Variants in AMPD3 observed in about 807,000 individuals in gnomAD.
AMPD3 encodes AMP deaminase 3.
Under a neutral mutation model 82.3 loss-of-function variants are expected in AMPD3, and 57 were observed. The observed-to-expected ratio is 0.69, with a 90% CI of 0.56 to 0.86. The LOEUF (loss-of-function observed/expected upper bound fraction) is 0.86. Among genes scored for constraint, AMPD3 ranks in the 40% least tolerant of loss-of-function variants. The pLI is 0.00. For missense variants in AMPD3, 870 were observed against 1,003.8 expected, an observed-to-expected ratio of 0.87 and a Z score of 1.80; for synonymous variants, 381 against 394.7, an observed-to-expected ratio of 0.97 and a Z score of 0.41.
At position 10,461,687 on chromosome 11, in the gene AMPD3, G is replaced by C; in HGVS notation, c.168G>C (p.Glu56Asp). 1 of 1,614,214 alleles carries C rather than the reference G, an allele frequency of 6.2e-7. No homozygotes were observed. Among genetic ancestry groups the C allele is most frequent in the Non-Finnish European group, 8.5e-7 (1 of 1,180,018 alleles). The change falls in exon 2 of 15, where the codon GAG (glutamate) becomes GAC (aspartate). Residue 56 changes from glutamate to aspartate, a missense_variant. Coordinates refer to ENST00000396553, the MANE Select transcript of AMPD3 (RefSeq NM_001025389.2). The part of the protein sequence containing the change: ...DCPIGQKEAK[E>D]RELQKELAEQ... ...CCATCGGGCAAAAGGAAGCCAAGGA[G>C]AGGGAGCTGCAGAAGGAGCTGGCAG...
intron 10 of AMPD3, chr11:10,499,788 C>T (rs996317811): frequency 3.0e-6 from 3 of 985,416 alleles, no homozygotes; most frequent in Non-Finnish European, 3.6e-6. Flanking sequence ...GCTGCTTTGC[C>T]CTTCACCTGG....
At chr11:10,453,251 T>C (rs1211892738), upstream of AMPD3, among the ~76,000 whole-genome samples, 3 of 152,226 alleles carry the variant, frequency 2.0e-5, no homozygotes, top group Non-Finnish European at 4.4e-5. Flanking sequence ...ACACTCAGCC[T>C]GAGTCTACGT....
rs778629569 is a variant in AMPD3 at position 10,461,462 on chromosome 11, G to A, written c.-5-53G>A. 20 of 1,612,732 alleles carry A rather than the reference G, an allele frequency of 1.2e-5. No homozygotes were observed. In the East Asian group the frequency reaches 1.8e-4, roughly 14 times the overall value. On this transcript the variant is annotated intron_variant, in intron 1 of 14. Transcript: ENST00000396553. The stretch of plus-strand genomic sequence containing the variant: ...CTCACTTCAGTGCCTTCTCTTCCCC[G>A]GTGCTGGTGACTCAGGGCATCCTGC...
At chr11:10,471,202 A>G (rs533733496) in intron 2 of AMPD3, among the ~76,000 whole-genome samples, 16 of 152,240 alleles carry the variant, frequency 1.1e-4, no homozygotes, top group Non-Finnish European at 2.4e-4. Context: ...GGCACAAACA[A>G]GCAATGGGGA....
chr11:10,450,805 C>G (rs567919603), upstream of AMPD3: 7,876 of 1,182,788 alleles, frequency 6.7e-3, 31 homozygotes, highest in Non-Finnish European at 7.7e-3. Flanking sequence ...GGCCGGCTTC[C>G]TCCCTGCTGA....
intron 12 of AMPD3, 27 bp downstream of exon 12, chr11:10,501,617 T>A: frequency 6.2e-7 from 1 of 1,614,008 alleles, no homozygotes; most frequent in Non-Finnish European, 8.5e-7. Flanking sequence ...CGGGAGCCCG[T>A]CCTGAGTGAC....
At chr11:10,457,243 G>T (rs1848123751) in intron 1 of AMPD3, among the ~76,000 whole-genome samples, 1 of 151,786 alleles carries the variant, frequency 6.6e-6, no homozygotes, top group African/African-American at 2.4e-5. Context: ...CTCCCAAATT[G>T]CTTGGATTAT....
In AMPD3 at chr11:10,506,339, G is replaced by T; in HGVS notation, c.*455G>T. The T allele has an allele frequency of 5.0e-6, 1 of 201,452 alleles. No homozygotes were observed. 12.5% of individuals were successfully genotyped at this position (201,452 alleles called of 1,614,324 possible). A position where few individuals can be genotyped will look rare whatever the true frequency, so the allele number is the denominator to read the frequency against. ...AATTTCAAAGCTCCATTTCATAAAGGGGCTACTTTGAAGGAGTTAAGATGG... is the reference window on the plus strand; with the variant it reads ...AATTTCAAAGCTCCATTTCATAAAGTGGCTACTTTGAAGGAGTTAAGATGG... On this transcript the variant is annotated 3_prime_UTR_variant, in exon 15 of 15. Coordinates refer to ENST00000396553, the MANE Select transcript of AMPD3 (RefSeq NM_001025389.2). The surrounding 1 kb of genome is among the most constrained non-coding windows in gnomAD (Gnocchi z 4.1).
At chr11:10,504,192 A>T in intron 13 of AMPD3, 5 of 984,234 alleles carry the variant, frequency 5.1e-6, no homozygotes, top group Non-Finnish European at 6.0e-6. Flanking sequence ...ACTTAAGAAA[A>T]TAGTGTGTTA....
chr11:10,478,946 C>T (rs1273169017), intron 3 of AMPD3, among the ~76,000 whole-genome samples: 3 of 151,594 alleles, frequency 2.0e-5, no homozygotes, highest in South Asian at 2.1e-4. Flanking sequence ...AGGAGGGTCC[C>T]GGGGTGCAGG....
At chr11:10,466,271 A>G (rs1208633007) in intron 2 of AMPD3, among the ~76,000 whole-genome samples, 1 of 152,084 alleles carries the variant, frequency 6.6e-6, no homozygotes, top group Non-Finnish European at 1.5e-5. Context: ...CAAAGAAAAA[A>G]AAAAAAGATC....
intron 5 of AMPD3, chr11:10,486,868 C>T (rs1052077487): frequency 1.0e-6 from 1 of 985,268 alleles, no homozygotes; most frequent in Non-Finnish European, 1.2e-6. Flanking sequence ...GGACTCAGGC[C>T]CTTTCCCAGG....
In AMPD3 at chr11:10,480,670, G is replaced by C. The variant is rs372860040; in HGVS notation, c.427-1393G>C. Reference sequence around the variant, plus strand: ...TGTGATGATTTATTTCTTTAAACCTGTGAGAAATTTGAAAGAATTATGCTA... The same window carrying C: ...TGTGATGATTTATTTCTTTAAACCTCTGAGAAATTTGAAAGAATTATGCTA... On this transcript the variant is annotated intron_variant, in intron 3 of 14. Coordinates refer to ENST00000396553, the MANE Select transcript of AMPD3 (RefSeq NM_001025389.2). Among the ~76,000 whole-genome samples the C allele has an allele frequency of 4.2e-4, 64 of 151,806 alleles. 1 individual carries two copies. The East Asian group carries it at 5.6e-3, about 13-fold the overall frequency.
At chr11:10,500,031 C>A (rs148957564) in intron 10 of AMPD3, 55 bp from the exon 11 acceptor site, 3 of 1,610,424 alleles carry the variant, frequency 1.9e-6, no homozygotes, top group Admixed American at 1.7e-5. Context: ...GAGGCTGAAC[C>A]GAGGCTGAGT....
intron 1 of AMPD3, among the ~76,000 whole-genome samples, chr11:10,459,498 G>A (rs1219651622): frequency 6.6e-6 from 1 of 152,150 alleles, no homozygotes; most frequent in Non-Finnish European, 1.5e-5. Flanking sequence ...AGATGGCCTA[G>A]TGTGTTCCCC....
upstream of AMPD3, chr11:10,450,997 G>A (rs749808374): frequency 2.6e-5 from 41 of 1,574,330 alleles, no homozygotes; most frequent in African/African-American, 5.3e-4. Context: ...CTCCAGCCCT[G>A]CGGCCGTCCC....
chr11:10,479,618 G>A (rs370849707), intron 3 of AMPD3, among the ~76,000 whole-genome samples: 12 of 152,186 alleles, frequency 7.9e-5, no homozygotes, highest in African/African-American at 2.9e-4. Flanking sequence ...GGCAACCACT[G>A]GTTTTAGTTT....
In AMPD3 at chr11:10,504,549, G is replaced by C; in HGVS notation, c.2017G>C (p.Glu673Gln). 1 of 1,614,008 alleles carries C rather than the reference G, an allele frequency of 6.2e-7. No homozygotes were observed. Among genetic ancestry groups the C allele is most frequent in the Non-Finnish European group, 8.5e-7 (1 of 1,179,858 alleles). The change falls in exon 14 of 15, where the codon GAA (glutamate) becomes CAA (glutamine). Residue 673 changes from glutamate (E) to glutamine (Q), a missense_variant and splice_region_variant. Transcript: ENST00000396553. ...CCACATGCTTTGGGGGAGGATCTAG[G>C]AAGCACTTATGGAAGAATATGCCAT... ...DDPMQFHYTKEALMEEYAIAA... is the reference protein window; with the variant it reads ...DDPMQFHYTKQALMEEYAIAA...
intron 10 of AMPD3, chr11:10,499,631 A>G: frequency 3.0e-6 from 3 of 984,062 alleles, no homozygotes; most frequent in Non-Finnish European, 3.6e-6. Context: ...GAATTAACTG[A>G]CGTGAGTAAA....
Sources: allele counts gnomAD v4.1 joint callset (sites outside exome capture counted in the v4.1 genomes callset), GRCh38; gene constraint gnomAD v4.1.1; non-coding constraint Gnocchi (gnomAD v3.1); transcripts MANE v1.5; gene names NCBI Gene and HGNC (gene_info 2026-07-23, HGNC 2026-07-21).